Variants in TMEM131L observed in about 807,000 individuals in gnomAD.
The protein encoded by TMEM131L is transmembrane 131 like, also known as transmembrane protein 131-like.
TMEM131L carries 54 observed loss-of-function variants against 192.2 expected under a neutral mutation model. The observed-to-expected ratio is 0.28, with a 90% CI of 0.23 to 0.35. The LOEUF (loss-of-function observed/expected upper bound fraction) is 0.35, where lower values mean the gene tolerates loss of function less well. Ranked by LOEUF, TMEM131L falls within the 10% of genes least tolerant of loss-of-function variation. The pLI is 1.00. For missense variants in TMEM131L, 1,888 were observed against 1,972.9 expected (o/e 0.96, Z 0.82); for synonymous variants, 701 against 704.9 (o/e 0.99, Z 0.09).
chr4:153,592,350 A>G (rs984557511), intron 17 of TMEM131L, 125 bp from the exon 18 acceptor site: 21 of 658,992 alleles, frequency 3.2e-5, no homozygotes, highest in Middle Eastern at 3.5e-4. Flanking sequence ...TTTATTTCCT[A>G]TGATGTTTCT....
At chr4:153,486,519 G>C (rs1172058090) in intron 3 of TMEM131L, among the ~76,000 whole-genome samples, 1 of 152,180 alleles carries the variant, frequency 6.6e-6, no homozygotes, top group Non-Finnish European at 1.5e-5. Context: ...GTTCTGGGTT[G>C]GTTTACTCAG....
chr4:153,475,530 A>G (rs1731470738), intron 3 of TMEM131L, among the ~76,000 whole-genome samples: 1 of 152,190 alleles, frequency 6.6e-6, no homozygotes, highest in African/African-American at 2.4e-5. Context: ...CATCTCATTA[A>G]AGGATGCATT....
At position 153,611,847 on chromosome 4, in the gene TMEM131L, G is replaced by A. The variant is rs375606779; in HGVS notation, c.3419-405G>A. 3.3e-5 allele frequency among the ~76,000 whole-genome samples: 5 copies of A among 152,098 alleles called. No individual in the cohort carries two copies. In the South Asian group the frequency reaches 6.2e-4, roughly 19 times the overall value. Reference sequence around the variant, plus strand: ...AAAAACCATCTTGACCATCTTAACCGTACAGTTCAGTAGTTTTAAGTATTT... The same window carrying A: ...AAAAACCATCTTGACCATCTTAACCATACAGTTCAGTAGTTTTAAGTATTT... On this transcript the variant is annotated intron_variant, in intron 25 of 34. Transcript: ENST00000409959.
chr4:153,576,752 A>G (rs1222565487), intron 7 of TMEM131L, among the ~76,000 whole-genome samples: 1 of 150,524 alleles, frequency 6.6e-6, no homozygotes, highest in Non-Finnish European at 1.5e-5. Context: ...CATTTTTTGA[A>G]AGTTTCAGAT....
Position 153,629,013 on chromosome 4 carries a change from A to G in TMEM131L, c.4207+1326A>G, listed in dbSNP as rs566686477. On this transcript the variant is annotated intron_variant, in intron 31 of 34. Transcript: ENST00000409959. ...CTTCTTGCCCAGCTGAAATGGCCTG[A>G]TCCATTGTTACAGTCATTTCCTCGA... Among the ~76,000 whole-genome samples the G allele has an allele frequency of 2.6e-5, 4 of 152,154 alleles. No individual in the cohort carries two copies. In the East Asian group the frequency reaches 7.7e-4, roughly 29 times the overall value.
At chr4:153,547,541 A>C (rs1737274709) in intron 3 of TMEM131L, among the ~76,000 whole-genome samples, 1 of 152,224 alleles carries the variant, frequency 6.6e-6, no homozygotes, top group Non-Finnish European at 1.5e-5. Flanking sequence ...TATCTGGCAC[A>C]TCATTTTATC....
chr4:153,507,081 G>A (rs996978322), intron 3 of TMEM131L, among the ~76,000 whole-genome samples: 1 of 152,118 alleles, frequency 6.6e-6, no homozygotes, highest in Non-Finnish European at 1.5e-5. Flanking sequence ...TGGAAGGGAG[G>A]GGGCAGAAGC....
intron 3 of TMEM131L, among the ~76,000 whole-genome samples, chr4:153,484,044 T>G (rs574702067): frequency 6.6e-6 from 1 of 152,304 alleles, no homozygotes; most frequent in Admixed American, 6.5e-5. Context: ...GTTTCCAGGC[T>G]CAAAGGAGAA....
intron 3 of TMEM131L, among the ~76,000 whole-genome samples, chr4:153,534,061 T>G (rs182838175): frequency 1.4e-4 from 21 of 152,346 alleles, no homozygotes; most frequent in Non-Finnish European, 2.4e-4. Flanking sequence ...AAGCCAGCTT[T>G]ATACTGAGTA....
intron 26 of TMEM131L, among the ~76,000 whole-genome samples, chr4:153,618,521 CAATAAT>C (rs900138727): frequency 3.4e-4 from 51 of 149,088 alleles, no homozygotes; most frequent in African/African-American, 1.2e-3. Flanking sequence ...CCAAATAACT[CAATAAT>C]AATGATGACG....
chr4:153,545,743 C>T (rs1240641813), intron 3 of TMEM131L, among the ~76,000 whole-genome samples: 1 of 152,148 alleles, frequency 6.6e-6, no homozygotes, highest in Non-Finnish European at 1.5e-5. Flanking sequence ...TCCTTGTCTA[C>T]AGGTCCTGCT....
chr4:153,631,245 G>T (rs780092069), intron 31 of TMEM131L, among the ~76,000 whole-genome samples: 7 of 152,332 alleles, frequency 4.6e-5, no homozygotes, highest in Non-Finnish European at 8.8e-5. Context: ...GGGAGCCCTT[G>T]GGAATTGAGG....
intron 3 of TMEM131L, among the ~76,000 whole-genome samples, chr4:153,515,136 A>G (rs543950936): frequency 2.0e-5 from 3 of 152,280 alleles, no homozygotes; most frequent in African/African-American, 4.8e-5. Flanking sequence ...AAAGCATACA[A>G]TTCAGTGGTT....
chr4:153,592,767 C>G (rs901692436), intron 18 of TMEM131L, among the ~76,000 whole-genome samples, 183 bp downstream of exon 18: 1 of 152,248 alleles, frequency 6.6e-6, no homozygotes, highest in African/African-American at 2.4e-5. Context: ...AACTACCTGG[C>G]TCTGTGTGTT....
chr4:153,578,780 A>C (rs954531849), intron 7 of TMEM131L, among the ~76,000 whole-genome samples: 5 of 151,800 alleles, frequency 3.3e-5, no homozygotes, highest in African/African-American at 7.3e-5. Flanking sequence ...TCGGCCTCCC[A>C]AAGTGCTGAG....
At chr4:153,550,419 C>T (rs974802606) in intron 4 of TMEM131L, among the ~76,000 whole-genome samples, 12 of 152,064 alleles carry the variant, frequency 7.9e-5, no homozygotes, top group East Asian at 3.9e-4. Flanking sequence ...CTCTGCCTCC[C>T]GGGTTTACGC....
chr4:153,534,998 G>C (rs550265456), intron 3 of TMEM131L, among the ~76,000 whole-genome samples: 2 of 152,320 alleles, frequency 1.3e-5, no homozygotes, highest in East Asian at 1.9e-4. Flanking sequence ...ATTTTGAGCA[G>C]AGCAGTGATG....
At chr4:153,502,461 T>C (rs1733684415) in intron 3 of TMEM131L, among the ~76,000 whole-genome samples, 1 of 152,230 alleles carries the variant, frequency 6.6e-6, no homozygotes, top group African/African-American at 2.4e-5. Context: ...TTCTGTAAGG[T>C]ATCATTTATT....
intron 3 of TMEM131L, among the ~76,000 whole-genome samples, chr4:153,494,585 A>G (rs1368177977): frequency 3.9e-5 from 6 of 152,232 alleles, no homozygotes; most frequent in South Asian, 2.1e-4. Flanking sequence ...AGACATAACT[A>G]TCTTTAATAT....
Sources: gnomAD v4.1 joint callset for allele counts (sites outside exome capture counted in the v4.1 genomes callset) on GRCh38, gnomAD v4.1.1 for gene constraint, MANE v1.5 for transcripts, NCBI Gene and HGNC (gene_info 2026-07-23, HGNC 2026-07-21) for gene names.